GRAMD1B: variants seen among roughly 807,000 people sequenced by gnomAD.
GRAMD1B encodes the protein protein Aster-B.
In GRAMD1B, 37 loss-of-function variants were observed where a neutral mutation model predicts 99.7. The ratio of observed to expected loss-of-function variants is 0.37; its 90% CI spans 0.29 to 0.49. The LOEUF (loss-of-function observed/expected upper bound fraction) is 0.49, where lower values mean the gene tolerates loss of function less well. Among genes scored for constraint, GRAMD1B ranks in the 20% least tolerant of loss-of-function variants. The pLI, the probability that GRAMD1B is intolerant of heterozygous loss-of-function variation, is 0.98. For synonymous variants in GRAMD1B, 427 were observed against 387.6 expected, an observed-to-expected ratio of 1.10 and a Z score of -1.19; for missense variants, 888 against 1,009.2, an observed-to-expected ratio of 0.88 and a Z score of 1.63.
At chr11:123,609,961 G>C in intron 13 of GRAMD1B, 48 bp downstream of exon 13, 3 of 1,121,890 alleles carry the variant, frequency 2.7e-6, no homozygotes, top group Non-Finnish European at 4.0e-6. Flanking sequence ...AAAATCCTGT[G>C]TTCTGTCTTG....
chr11:123,508,184 C>G (rs1192785406), intron 2 of GRAMD1B, among the ~76,000 whole-genome samples: 1 of 152,138 alleles, frequency 6.6e-6, no homozygotes, highest in African/African-American at 2.4e-5. Flanking sequence ...GTTTTGGAGG[C>G]TGCGGAGTCC....
intron 1 of GRAMD1B, among the ~76,000 whole-genome samples, chr11:123,402,802 T>TTTA (rs987041000): frequency 7.9e-5 from 12 of 152,028 alleles, no homozygotes; most frequent in East Asian, 3.9e-4. Flanking sequence ...CTCTCTCTCT[T>TTTA]TTATTATTAT....
intron 1 of GRAMD1B, among the ~76,000 whole-genome samples, chr11:123,435,972 T>C (rs1949141296): frequency 7.8e-6 from 1 of 127,968 alleles, no homozygotes; most frequent in African/African-American, 2.9e-5. Context: ...AGACGGAGTC[T>C]CCCTCTCTCA....
rs1950194379 is a variant in GRAMD1B at position 123,587,559 on chromosome 11, G to A, written c.684+3227G>A. ...TTACTCCCCCTCAGCCCCCAACGGG[G>A]CATAACATCACAGGGGTTTCCTTCC... is the stretch of plus-strand genomic sequence containing the variant. On this transcript the variant is annotated intron_variant, in intron 4 of 19. Coordinates refer to ENST00000635736, the MANE Select transcript of GRAMD1B (RefSeq NM_001387025.1). This position sits in a 1 kb window ranked among gnomAD's most constrained non-coding sequence, Gnocchi z 4.2. Among the ~76,000 whole-genome samples, 1 of 152,212 alleles carries A rather than the reference G, an allele frequency of 6.6e-6. No individual in the cohort carries two copies. Among genetic ancestry groups the A allele is most frequent in the African/African-American group, 2.4e-5 (1 of 41,458 alleles).
At chr11:123,462,156 A>G (rs1175046039) in intron 1 of GRAMD1B, among the ~76,000 whole-genome samples, 7 of 150,880 alleles carry the variant, frequency 4.6e-5, no homozygotes, top group Non-Finnish European at 1.0e-4. Context: ...TTTAGTAGAG[A>G]TGAGGTTTCA....
At chr11:123,415,189 G>A (rs570206866) in intron 1 of GRAMD1B, among the ~76,000 whole-genome samples, 55 of 124,614 alleles carry the variant, frequency 4.4e-4, no homozygotes, top group African/African-American at 1.6e-3. Context: ...TGCAACCTCC[G>A]CCAACCAGGT....
Position 123,534,420 on chromosome 11 carries a change from T to TTGCACA in GRAMD1B, c.453-42947_453-42946insTGCACA, listed in dbSNP as rs1943736339. Among the ~76,000 whole-genome samples the TTGCACA allele has an allele frequency of 2.0e-5, 3 of 152,248 alleles. No individual in the cohort carries two copies. In the South Asian group the frequency reaches 6.2e-4, roughly 32 times the overall value. On this transcript the variant is annotated intron_variant, in intron 2 of 19. Coordinates refer to ENST00000635736, the MANE Select transcript of GRAMD1B (RefSeq NM_001387025.1). The stretch of plus-strand genomic sequence containing the variant: ...TTTGGACTTGCACAGTTCAAATCCA[T>TTGCACA]GTTGTTCAGGGGTCACTTGTACAAT...
chr11:123,511,692 C>A (rs1411229649), intron 2 of GRAMD1B, among the ~76,000 whole-genome samples: 1 of 152,162 alleles, frequency 6.6e-6, no homozygotes, highest in Non-Finnish European at 1.5e-5. Flanking sequence ...GAAGACTGGA[C>A]AAGGCTCAGA....
chr11:123,553,260 C>T (rs1945806288), intron 2 of GRAMD1B, among the ~76,000 whole-genome samples: 1 of 152,128 alleles, frequency 6.6e-6, no homozygotes, highest in Non-Finnish European at 1.5e-5. Context: ...AGATAATACC[C>T]AGGAGCCAGT....
At chr11:123,378,456 T>C (rs1441825829) in intron 1 of GRAMD1B, among the ~76,000 whole-genome samples, 1 of 152,180 alleles carries the variant, frequency 6.6e-6, no homozygotes, top group East Asian at 1.9e-4. Flanking sequence ...TTATCAAATA[T>C]ATGATTTGCA....
intron 2 of GRAMD1B, among the ~76,000 whole-genome samples, chr11:123,567,881 A>G (rs1186622036): frequency 1.3e-5 from 2 of 152,226 alleles, no homozygotes; most frequent in African/African-American, 4.8e-5. Context: ...ACTTTTCTCT[A>G]CTTCGCCAAA....
At chr11:123,441,485 TA>T (rs1363913403) in intron 1 of GRAMD1B, among the ~76,000 whole-genome samples, 2 of 151,960 alleles carry the variant, frequency 1.3e-5, no homozygotes, top group East Asian at 3.9e-4. Flanking sequence ...ACAACAAATT[TA>T]AAAAATTAGC....
chr11:123,526,337 C>A (rs1025576512), intron 2 of GRAMD1B, among the ~76,000 whole-genome samples: 3 of 152,262 alleles, frequency 2.0e-5, no homozygotes, highest in Admixed American at 1.3e-4. Flanking sequence ...CTCCCTGGCT[C>A]CCCCAGCTGC....
At chr11:123,374,516 C>T (rs548284212) in intron 1 of GRAMD1B, among the ~76,000 whole-genome samples, 4 of 152,300 alleles carry the variant, frequency 2.6e-5, no homozygotes, top group East Asian at 1.9e-4. Flanking sequence ...GCCTAACTCA[C>T]GTCTAATGCA....
At chr11:123,558,230 C>T (rs1452834130) in intron 2 of GRAMD1B, among the ~76,000 whole-genome samples, 1 of 151,998 alleles carries the variant, frequency 6.6e-6, no homozygotes. Flanking sequence ...GTGATTCACC[C>T]GCCTCTCCCT....
At chr11:123,493,945 C>T (rs1938913805) in intron 2 of GRAMD1B, among the ~76,000 whole-genome samples, 1 of 152,146 alleles carries the variant, frequency 6.6e-6, no homozygotes, top group South Asian at 2.1e-4. Flanking sequence ...ACCCCTTTGT[C>T]CCAGTAGGGT....
rs191325134 is a variant in GRAMD1B, at chr11:123,553,614, G to C, written c.453-23753G>C. Among the ~76,000 whole-genome samples, 827 of 152,312 alleles carry C rather than the reference G, an allele frequency of 5.4e-3. 3 individuals carry two copies. The highest frequency in any genetic ancestry group is 9.6e-3 in the Non-Finnish European group (654 of 68,022). ...TAGACATCACTCACCTCATGAGAGA[G>C]ATGCAGGATTAATGAGAGGTCTTGG... On this transcript the variant is annotated intron_variant, in intron 2 of 19. Transcript: ENST00000635736.
chr11:123,395,508 T>G (rs1050458775), intron 1 of GRAMD1B, among the ~76,000 whole-genome samples: 4 of 152,166 alleles, frequency 2.6e-5, no homozygotes, highest in Non-Finnish European at 5.9e-5. Flanking sequence ...TGGTTTCCTT[T>G]GCCTGTTTAC....
intron 1 of GRAMD1B, among the ~76,000 whole-genome samples, chr11:123,384,138 G>A (rs1946980280): frequency 6.6e-6 from 1 of 152,158 alleles, no homozygotes; most frequent in South Asian, 2.1e-4. Context: ...CCAAAGTGCT[G>A]AGATTACAGG....
Sources: gnomAD v4.1 joint callset for allele counts (sites outside exome capture counted in the v4.1 genomes callset) on GRCh38, gnomAD v4.1.1 for gene constraint, Gnocchi (gnomAD v3.1) non-coding constraint, MANE v1.5 for transcripts, NCBI Gene and HGNC (gene_info 2026-07-23, HGNC 2026-07-21) for gene names.